Variants in SNX27 observed in about 807,000 individuals in gnomAD.
SNX27 encodes the protein sorting nexin-27.
Under a neutral mutation model 71.6 loss-of-function variants are expected in SNX27, and 22 were observed. The ratio of observed to expected loss-of-function variants is 0.31; its 90% confidence interval spans 0.22 to 0.44. SNX27 has a LOEUF of 0.44. Among genes scored for constraint, SNX27 ranks in the 20% least tolerant of loss-of-function variants. The probability of loss-of-function intolerance (pLI) is 1.00; values close to 1 mark genes in which losing one functional copy is unlikely to be tolerated. For missense variants in SNX27, 531 were observed against 698.6 expected, an observed-to-expected ratio of 0.76 and a Z score of 2.70; for synonymous variants, 269 against 277.2, an observed-to-expected ratio of 0.97 and a Z score of 0.29.
chr1:151,612,391 G>A lies in SNX27; in HGVS notation c.190G>A (p.Gly64Ser). The stretch of plus-strand genomic sequence containing the variant: ...CAACGTGCGGGGCCAAGTGAGCGAG[G>A]GCGGGCAACTGCGGAGCATCAACGG... ...GFNVRGQVSE[G>S]GQLRSINGEL... Residue 64 changes from glycine to serine, a missense_variant, in exon 1 of 12, where the codon GGC (glycine) becomes AGC (serine). Transcript: ENST00000458013. This position sits in a 1 kb window ranked among gnomAD's most constrained non-coding sequence, Gnocchi z 5.2. 6.5e-7 allele frequency: 1 copy of A among 1,531,184 alleles called. No homozygotes were observed. The highest frequency in any genetic ancestry group is 1.2e-5 in the South Asian group (1 of 81,856). The allele number at this position is 1,531,184 out of a possible 1,614,324, so 94.8% of individuals were successfully genotyped here.
intron 2 of SNX27, among the ~76,000 whole-genome samples, chr1:151,642,083 G>C (rs1236019081): frequency 6.6e-6 from 1 of 150,682 alleles, no homozygotes; most frequent in Non-Finnish European, 1.5e-5. Flanking sequence ...AAAGGACTTA[G>C]ATAAGCCAGG....
At chr1:151,690,871 C>T (rs766408003) in intron 8 of SNX27, among the ~76,000 whole-genome samples, 12 of 152,154 alleles carry the variant, frequency 7.9e-5, no homozygotes, top group Admixed American at 6.5e-5. Flanking sequence ...AAGTAGCTTG[C>T]GCAAGGTTGC....
chr1:151,661,476 A>G (rs1438745316), intron 4 of SNX27: 1 of 152,388 alleles, frequency 6.6e-6, no homozygotes, highest in Non-Finnish European at 1.5e-5. Context: ...AATGAGTAGT[A>G]CTTTTTTAAA....
intron 7 of SNX27, among the ~76,000 whole-genome samples, chr1:151,682,782 C>G (rs1364116511): frequency 6.6e-6 from 1 of 152,140 alleles, no homozygotes; most frequent in Non-Finnish European, 1.5e-5. Context: ...TGCCTGTAAT[C>G]CCAGCACTTT....
chr1:151,628,356 C>G (rs904985498), intron 1 of SNX27, among the ~76,000 whole-genome samples: 1 of 152,150 alleles, frequency 6.6e-6, no homozygotes, highest in African/African-American at 2.4e-5. Context: ...TAATACTCAA[C>G]TGTATGGCTC....
intron 1 of SNX27, among the ~76,000 whole-genome samples, chr1:151,626,918 G>C (rs977788497): frequency 6.6e-6 from 1 of 152,000 alleles, no homozygotes; most frequent in East Asian, 1.9e-4. Flanking sequence ...AGTGCTCCAG[G>C]CTCATCTTGT....
At chr1:151,631,816 G>A (rs887017053) in intron 1 of SNX27, among the ~76,000 whole-genome samples, 5 of 152,088 alleles carry the variant, frequency 3.3e-5, no homozygotes, top group African/African-American at 1.2e-4. Flanking sequence ...GGGACAATAC[G>A]TGTGCACCAC....
At position 151,662,150 on chromosome 1, in the gene SNX27, A is replaced by C. The variant is rs370297492; in HGVS notation, c.802-16A>C. The C allele has an allele frequency of 1.0e-5, 16 of 1,587,838 alleles. No individual in the cohort carries two copies. The African/African-American group carries it at 1.1e-4, about 11-fold the overall frequency. The stretch of plus-strand genomic sequence containing the variant: ...ATACTGGGCCATAAATTATTTCTCT[A>C]TGTCTTTTCCCCCAGAACTACAATG... On this transcript the variant is annotated splice_polypyrimidine_tract_variant and intron_variant, in intron 4 of 11. Transcript: ENST00000458013.
Position 151,624,030 on chromosome 1 carries a change from T to A in SNX27, c.311+11518T>A, listed in dbSNP as rs572987677. On this transcript the variant is annotated intron_variant, in intron 1 of 11. Coordinates refer to ENST00000458013, the MANE Select transcript of SNX27 (RefSeq NM_001330723.2). ...ATGCTGGAGTGCAGTGGCACAATCA[T>A]AACTCACTGCAGCTATTGATCTCCT... Among the ~76,000 whole-genome samples the A allele has an allele frequency of 7.2e-5, 11 of 152,292 alleles. No individual in the cohort carries two copies. In the South Asian group the frequency reaches 2.3e-3, roughly 32 times the overall value.
chr1:151,665,136 C>T (rs945510448), intron 5 of SNX27, among the ~76,000 whole-genome samples: 1 of 152,078 alleles, frequency 6.6e-6, no homozygotes, highest in African/African-American at 2.4e-5. Context: ...AAAAGAGATA[C>T]CTTACTTATA....
Position 151,696,412 on chromosome 1 carries a change from G to T in SNX27, c.*1995G>T, listed in dbSNP as rs1671708114. On this transcript the variant is annotated 3_prime_UTR_variant, in exon 12 of 12. Coordinates refer to ENST00000458013, the MANE Select transcript of SNX27 (RefSeq NM_001330723.2). ...CTACTAAGCAGTGTTGGGGTGGTTG[G>T]AAAGTCTCTTTTTTGTAATTTGTTT... 6.6e-6 allele frequency: 1 copy of T among 152,122 alleles called. No homozygotes were observed. The highest frequency in any genetic ancestry group is 2.4e-5 in the African/African-American group (1 of 41,416). 9.4% of individuals were successfully genotyped at this position (152,122 alleles called of 1,614,324 possible).
chr1:151,683,523 A>G, intron 8 of SNX27, 78 bp downstream of exon 8: 1 of 1,112,880 alleles, frequency 9.0e-7, no homozygotes, highest in Non-Finnish European at 1.3e-6. Flanking sequence ...CATTTTTGAA[A>G]GGATTACAAC....
intron 1 of SNX27, chr1:151,629,362 A>T (rs1218130349): frequency 6.6e-6 from 1 of 151,994 alleles, no homozygotes; most frequent in Admixed American, 6.6e-5. Context: ...AATTAGAACG[A>T]TACAGAGAAG....
At chr1:151,684,197 A>G (rs1187994378) in intron 8 of SNX27, among the ~76,000 whole-genome samples, 2 of 152,256 alleles carry the variant, frequency 1.3e-5, no homozygotes, top group African/African-American at 2.4e-5. Context: ...CTTGGTTAGT[A>G]TATCATCCTA....
chr1:151,656,267 A>T (rs1669689845), intron 2 of SNX27, among the ~76,000 whole-genome samples: 1 of 151,826 alleles, frequency 6.6e-6, no homozygotes, highest in Non-Finnish European at 1.5e-5. Flanking sequence ...CTGGAAGAAG[A>T]TATTCACAAT....
intron 7 of SNX27, among the ~76,000 whole-genome samples, chr1:151,671,032 T>C (rs755534826): frequency 1.3e-5 from 2 of 152,196 alleles, no homozygotes; most frequent in Non-Finnish European, 1.5e-5. Flanking sequence ...CACCATTTAT[T>C]GAAGAGACTG....
intron 2 of SNX27, among the ~76,000 whole-genome samples, chr1:151,639,321 T>G (rs181322507): frequency 6.6e-6 from 1 of 151,676 alleles, no homozygotes; most frequent in African/African-American, 2.4e-5. Context: ...AGAGTCCTAC[T>G]CAGCTTGAGT....
In SNX27 at chr1:151,671,398, C is replaced by G. The variant is rs180850137; in HGVS notation, c.1149+2763C>G. On this transcript the variant is annotated intron_variant, in intron 7 of 11. Transcript: ENST00000458013. ...GGCTATAGGCCCATGCCACCATGCC[C>G]GACTGATTTTTTAAGTTTTTGTAGA... is the stretch of plus-strand genomic sequence containing the variant. Among the ~76,000 whole-genome samples, 26 of 151,810 alleles carry G rather than the reference C, an allele frequency of 1.7e-4. 1 individual carries two copies. The highest frequency in any genetic ancestry group is 1.1e-3 in the Admixed American group (16 of 15,218).
At chr1:151,632,041 A>T (rs1273069019) in intron 1 of SNX27, among the ~76,000 whole-genome samples, 4 of 152,178 alleles carry the variant, frequency 2.6e-5, no homozygotes, top group Non-Finnish European at 5.9e-5. Flanking sequence ...TTTGTAATGC[A>T]CTATAATGGT....
Sources: gnomAD v4.1 joint callset for allele counts (sites outside exome capture counted in the v4.1 genomes callset) on GRCh38, gnomAD v4.1.1 for gene constraint, Gnocchi (gnomAD v3.1) non-coding constraint, MANE v1.5 for transcripts, NCBI Gene and HGNC (gene_info 2026-07-23, HGNC 2026-07-21) for gene names.